NLRP14: variants seen among roughly 807,000 people sequenced by gnomAD.
The protein encoded by NLRP14 is NLR family pyrin domain containing 14, also known as NACHT, LRR and PYD domains-containing protein 14.
A neutral mutation model predicts 94.7 loss-of-function variants in NLRP14; 105 were observed. That is an observed-to-expected ratio of 1.11 (90% CI 0.95 to 1.30). NLRP14 has a LOEUF of 1.30. Among genes scored for constraint, NLRP14 ranks in the 50% most tolerant of loss-of-function variants. The pLI is 0.00. For missense variants in NLRP14, 1,362 were observed against 1,254.1 expected, an observed-to-expected ratio of 1.09 and a Z score of -1.30; for synonymous variants, 508 against 459.9, an observed-to-expected ratio of 1.10 and a Z score of -1.34.
intron 10 of NLRP14, among the ~76,000 whole-genome samples, chr11:7,069,986 T>C (rs890749063): frequency 6.6e-6 from 1 of 152,180 alleles, no homozygotes; most frequent in Non-Finnish European, 1.5e-5. Context: ...TAGTGATGTA[T>C]TTTTAGTGAT....
At chr11:7,024,870 G>T (rs1851994275) in intron 1 of NLRP14, among the ~76,000 whole-genome samples, 1 of 151,822 alleles carries the variant, frequency 6.6e-6, no homozygotes, top group African/African-American at 2.4e-5. Flanking sequence ...TTTGGTTAAA[G>T]AAATACCTGA....
chr11:7,078,297 G>A, the NLRP14 span, among the ~76,000 whole-genome samples: 4 of 151,420 alleles, frequency 2.6e-5, no homozygotes, highest in Non-Finnish European at 4.4e-5. Context: ...AATTAGCCGG[G>A]CATGATGGCG....
chr11:7,066,278 C>T (rs1308824830), intron 10 of NLRP14, among the ~76,000 whole-genome samples: 5 of 152,148 alleles, frequency 3.3e-5, no homozygotes, highest in Admixed American at 1.3e-4. Flanking sequence ...CTTGAGGTAT[C>T]GCCACACTGT....
Position 7,046,695 on chromosome 11 carries a change from G to A in NLRP14, c.1986G>A (p.Trp662Ter), listed in dbSNP as rs1033143334. Residue 662 changes from tryptophan to a stop codon, truncating the protein, a stop_gained, in exon 5 of 12, where the codon TGG becomes TGA. Coordinates refer to ENST00000299481, the MANE Select transcript of NLRP14 (RefSeq NM_176822.4). LOFTEE classifies it high-confidence loss of function. The part of the protein sequence containing the change: ...TWDGDRITHC[W>*]QDLCSVLHTN... ...ATGGTGATCGCATTACTCACTGTTGGCAAGATCTCTGTTCTGTGCTTCATA... is the reference window on the plus strand; with the variant it reads ...ATGGTGATCGCATTACTCACTGTTGACAAGATCTCTGTTCTGTGCTTCATA... 6.2e-7 allele frequency: 1 copy of A among 1,613,674 alleles called. No individual in the cohort carries two copies. The highest frequency in any genetic ancestry group is 1.3e-5 in the African/African-American group (1 of 74,994).
chr11:7,086,575 A>G, the NLRP14 span, among the ~76,000 whole-genome samples: 1 of 152,238 alleles, frequency 6.6e-6, no homozygotes, highest in African/African-American at 2.4e-5. Context: ...AGGTAGGGAA[A>G]CATTCCCCAG....
At chr11:7,049,095 T>C (rs1187486041) in intron 5 of NLRP14, among the ~76,000 whole-genome samples, 1 of 152,064 alleles carries the variant, frequency 6.6e-6, no homozygotes, top group African/African-American at 2.4e-5. Flanking sequence ...AGAAGGGCAT[T>C]GGGGACTAGC....
downstream of NLRP14, among the ~76,000 whole-genome samples, chr11:7,076,353 T>C (rs866767153): frequency 1.8e-4 from 27 of 152,294 alleles, 1 homozygote; most frequent in South Asian, 1.2e-3. Flanking sequence ...TTTTTATTCT[T>C]TATGTTTTAT....
rs1852436670 is a variant in NLRP14, at chr11:7,051,174, A to G, written c.2291+1336A>G. Among the ~76,000 whole-genome samples the G allele has an allele frequency of 2.0e-5, 3 of 152,308 alleles. No homozygotes were observed. In the South Asian group the frequency reaches 6.2e-4, roughly 32 times the overall value. On this transcript the variant is annotated intron_variant, in intron 6 of 11. Coordinates refer to ENST00000299481, the MANE Select transcript of NLRP14 (RefSeq NM_176822.4). ...ACTAGTAGGGCTCCTTGCAACAGTAAATACAATGCTTTGGCAAAAGTCATC... is the reference window on the plus strand; with the variant it reads ...ACTAGTAGGGCTCCTTGCAACAGTAGATACAATGCTTTGGCAAAAGTCATC...
At chr11:7,037,418 T>TC (rs1196013789) in intron 1 of NLRP14, among the ~76,000 whole-genome samples, 1 of 151,938 alleles carries the variant, frequency 6.6e-6, no homozygotes, top group East Asian at 1.9e-4. Context: ...GTCTTTTTTT[T>TC]CCAATCATAT....
chr11:7,083,503 A>T, the NLRP14 span, among the ~76,000 whole-genome samples: 3 of 152,298 alleles, frequency 2.0e-5, no homozygotes, highest in East Asian at 5.8e-4. Context: ...TCCAGTGTCT[A>T]TTCCCATCAA....
intron 1 of NLRP14, among the ~76,000 whole-genome samples, chr11:7,021,861 G>A (rs1158557486): frequency 6.6e-6 from 1 of 151,106 alleles, no homozygotes; most frequent in Non-Finnish European, 1.5e-5. Flanking sequence ...GACATTGACC[G>A]GTAAGAACGA....
chr11:7,078,310 C>T, the NLRP14 span, among the ~76,000 whole-genome samples: 3 of 151,042 alleles, frequency 2.0e-5, no homozygotes, highest in East Asian at 5.9e-4. Context: ...TGATGGCGGG[C>T]ACCTGTAGTC....
the NLRP14 span, chr11:7,089,106 G>A: frequency 3.1e-6 from 5 of 1,611,276 alleles, no homozygotes; most frequent in Non-Finnish European, 4.2e-6. Context: ...CTGACCGACC[G>A]TTCGACCGGC....
intron 8 of NLRP14, among the ~76,000 whole-genome samples, chr11:7,058,781 C>A (rs1355437447): frequency 6.6e-6 from 1 of 151,912 alleles, no homozygotes; most frequent in Non-Finnish European, 1.5e-5. Context: ...GAATTTAGAA[C>A]TAAAGCCTAC....
At chr11:7,057,908 G>A in intron 7 of NLRP14, 61 bp downstream of exon 7, 1 of 1,399,556 alleles carries the variant, frequency 7.1e-7, no homozygotes, top group Non-Finnish European at 1.0e-6. Context: ...TAGCTTAATT[G>A]TGATCTGATA....
intron 7 of NLRP14, 70 bp from the exon 8 acceptor site, chr11:7,058,210 C>A: frequency 7.5e-7 from 1 of 1,328,188 alleles, no homozygotes; most frequent in Non-Finnish European, 1.1e-6. Flanking sequence ...CCACTGATTT[C>A]CCTGTGAAGG....
At chr11:7,048,394 A>G (rs1442926293) in intron 5 of NLRP14, among the ~76,000 whole-genome samples, 1 of 152,210 alleles carries the variant, frequency 6.6e-6, no homozygotes, top group Non-Finnish European at 1.5e-5. Flanking sequence ...AACTGATCCT[A>G]ATCTCTGTAT....
the NLRP14 span, among the ~76,000 whole-genome samples, chr11:7,087,124 G>A: frequency 5.3e-5 from 8 of 152,114 alleles, no homozygotes; most frequent in Non-Finnish European, 1.0e-4. Context: ...TCACACTCAG[G>A]AGCCAAAGCT....
At chr11:7,089,426 C>T in the NLRP14 span, 4 of 1,555,232 alleles carry the variant, frequency 2.6e-6, no homozygotes, top group South Asian at 1.2e-5. Flanking sequence ...CCCGCAGCCG[C>T]GGTCGCCCGA....
Sources: allele counts gnomAD v4.1 joint callset (sites outside exome capture counted in the v4.1 genomes callset), GRCh38; gene constraint gnomAD v4.1.1; transcripts MANE v1.5; gene names NCBI Gene and HGNC (gene_info 2026-07-23, HGNC 2026-07-21).